CNBD1: variants seen among roughly 807,000 people sequenced by gnomAD.
The protein encoded by CNBD1 is cyclic nucleotide-binding domain-containing protein 1.
Under a neutral mutation model 54.4 loss-of-function variants are expected in CNBD1, and 71 were observed. That is an observed-to-expected ratio of 1.30 (90% CI 1.08 to 1.59). CNBD1 has a LOEUF of 1.59. CNBD1 is among the 40% of genes most tolerant of loss of function. CNBD1 has a pLI of 0.00. For synonymous variants in CNBD1, 182 were observed against 170.7 expected (o/e 1.07, Z -0.51); for missense variants, 659 against 518.0 (o/e 1.27, Z -2.64).
intron 2 of CNBD1, among the ~76,000 whole-genome samples, chr8:87,392,449 A>T (rs79991359): frequency 0.019 from 2,868 of 152,152 alleles, 93 homozygotes; most frequent in African/African-American, 0.062. Flanking sequence ...AAATGTCATA[A>T]GCATATTCTG....
chr8:87,161,933 A>C (rs1812866567), intron 4 of CNBD1, among the ~76,000 whole-genome samples: 1 of 152,122 alleles, frequency 6.6e-6, no homozygotes, highest in Non-Finnish European at 1.5e-5. Flanking sequence ...TGCATGAATT[A>C]GAAATGTAAA....
intron 8 of CNBD1, among the ~76,000 whole-genome samples, chr8:87,291,881 A>G (rs1164284932): frequency 2.0e-5 from 3 of 152,180 alleles, no homozygotes; most frequent in African/African-American, 7.2e-5. Context: ...GAATGGAACC[A>G]TCTTATTTTT....
intron 8 of CNBD1, among the ~76,000 whole-genome samples, chr8:87,298,370 C>T (rs1428494853): frequency 6.6e-6 from 1 of 152,014 alleles, no homozygotes; most frequent in Non-Finnish European, 1.5e-5. Context: ...AGGTATCCTT[C>T]TCTGCTTCTG....
intron 4 of CNBD1, among the ~76,000 whole-genome samples, chr8:86,982,739 C>T (rs1348115532): frequency 2.0e-5 from 3 of 152,010 alleles, no homozygotes; most frequent in Non-Finnish European, 2.9e-5. Context: ...CCCATCTTAC[C>T]TTCTTTTCAA....
chr8:87,201,404 T>C (rs1180492743), intron 4 of CNBD1, among the ~76,000 whole-genome samples: 1 of 152,110 alleles, frequency 6.6e-6, no homozygotes, highest in East Asian at 1.9e-4. Flanking sequence ...GAGAAAGAAG[T>C]AAAAGTCATC....
intron 2 of CNBD1, among the ~76,000 whole-genome samples, chr8:87,421,177 C>T (rs1052680627): frequency 2.0e-5 from 3 of 152,038 alleles, no homozygotes; most frequent in African/African-American, 7.2e-5. Flanking sequence ...ATCTCTGCCT[C>T]TAAAATTAGG....
intron 4 of CNBD1, among the ~76,000 whole-genome samples, chr8:87,016,035 T>C (rs537075926): frequency 6.7e-6 from 1 of 148,672 alleles, no homozygotes; most frequent in African/African-American, 2.5e-5. Context: ...TATACCTCTA[T>C]CTTTATATGT....
intron 6 of CNBD1, among the ~76,000 whole-genome samples, chr8:87,242,938 G>A (rs939732281): frequency 6.6e-6 from 1 of 152,104 alleles, no homozygotes; most frequent in Non-Finnish European, 1.5e-5. Flanking sequence ...CAAAACCTCT[G>A]AAAAAGGACA....
chr8:87,109,540 C>CTTTTTT (rs35541466), intron 4 of CNBD1, among the ~76,000 whole-genome samples: 7 of 107,966 alleles, frequency 6.5e-5, no homozygotes, highest in African/African-American at 2.1e-4. Context: ...TTCTTTCTTT[C>CTTTTTT]TTTTTTTTTT....
intron 4 of CNBD1, among the ~76,000 whole-genome samples, chr8:87,013,735 A>G (rs1248663796): frequency 1.3e-5 from 2 of 151,198 alleles, no homozygotes; most frequent in African/African-American, 4.9e-5. Context: ...GTATGTATGT[A>G]TATATGCATG....
At chr8:87,148,533 A>G (rs958285673) in intron 4 of CNBD1, among the ~76,000 whole-genome samples, 1 of 152,194 alleles carries the variant, frequency 6.6e-6, no homozygotes. Flanking sequence ...TTAGATTTGC[A>G]TTCAGGCTGT....
intron 4 of CNBD1, among the ~76,000 whole-genome samples, chr8:87,006,573 T>C (rs767993953): frequency 1.3e-5 from 2 of 152,092 alleles, no homozygotes; most frequent in African/African-American, 2.4e-5. Flanking sequence ...GCACTCCTCA[T>C]GGTCAAAGCA....
At chr8:87,386,404 C>T (rs62528161), downstream of CNBD1, among the ~76,000 whole-genome samples, 6,650 of 151,952 alleles carry the variant, frequency 0.044, 190 homozygotes, top group Non-Finnish European at 0.06. Context: ...ATAACCAATA[C>T]AGAGAAGTCC....
At chr8:87,176,520 C>G (rs1011116706) in intron 4 of CNBD1, among the ~76,000 whole-genome samples, 5 of 134,308 alleles carry the variant, frequency 3.7e-5, no homozygotes, top group Non-Finnish European at 4.7e-5. Flanking sequence ...TTTCACTCTT[C>G]TTACCCAGGC....
intron 2 of CNBD1, among the ~76,000 whole-genome samples, chr8:86,897,694 A>G (rs1380860479): frequency 6.6e-6 from 1 of 152,216 alleles, no homozygotes; most frequent in Non-Finnish European, 1.5e-5. Flanking sequence ...TTTCTAGTCT[A>G]CTACCTGCGC....
chr8:87,116,475 T>A (rs1481283900), intron 4 of CNBD1, among the ~76,000 whole-genome samples: 4 of 152,106 alleles, frequency 2.6e-5, no homozygotes, highest in African/African-American at 9.6e-5. Context: ...CAGCCTCCCA[T>A]AGTGTTGGGA....
intron 4 of CNBD1, among the ~76,000 whole-genome samples, chr8:87,009,119 C>G (rs575058317): frequency 6.6e-6 from 1 of 151,956 alleles, no homozygotes; most frequent in East Asian, 1.9e-4. Context: ...CCAGAAATTA[C>G]TAAATATCTC....
At chr8:86,971,794 A>AG (rs1808225996) in intron 4 of CNBD1, among the ~76,000 whole-genome samples, 1 of 152,098 alleles carries the variant, frequency 6.6e-6, no homozygotes, top group South Asian at 2.1e-4. Context: ...CTCTCTCTAT[A>AG]TTTGTAACCA....
At chr8:87,028,929 C>T (rs963243093) in intron 4 of CNBD1, among the ~76,000 whole-genome samples, 4 of 152,222 alleles carry the variant, frequency 2.6e-5, no homozygotes, top group Non-Finnish European at 5.9e-5. Context: ...CTTCCCTTTT[C>T]TCTACATCCT....
Sources: gnomAD v4.1 joint callset for allele counts (sites outside exome capture counted in the v4.1 genomes callset) on GRCh38, gnomAD v4.1.1 for gene constraint, MANE v1.5 for transcripts, NCBI Gene and HGNC (gene_info 2026-07-23, HGNC 2026-07-21) for gene names.